CNBD1: variants seen among roughly 807,000 people sequenced by gnomAD.
The protein encoded by CNBD1 is cyclic nucleotide-binding domain-containing protein 1.
In CNBD1, 71 loss-of-function variants were observed where a neutral mutation model predicts 54.4. That is an observed-to-expected ratio of 1.30 (90% CI 1.08 to 1.59). The LOEUF (loss-of-function observed/expected upper bound fraction) is 1.59, where lower values mean the gene tolerates loss of function less well. Among genes scored for constraint, CNBD1 ranks in the 40% most tolerant of loss-of-function variants. The pLI is 0.00. For missense variants in CNBD1, 659 were observed against 518.0 expected (o/e 1.27, Z -2.64); for synonymous variants, 182 against 170.7 (o/e 1.07, Z -0.51).
At chr8:86,985,478 A>G (rs971044232) in intron 4 of CNBD1, among the ~76,000 whole-genome samples, 4 of 152,184 alleles carry the variant, frequency 2.6e-5, no homozygotes, top group Non-Finnish European at 4.4e-5. Context: ...AGTGAGAAAC[A>G]TGCAATATTT....
chr8:86,868,949 G>GAGTT (rs1808402491), intron 1 of CNBD1, among the ~76,000 whole-genome samples: 2 of 151,324 alleles, frequency 1.3e-5, no homozygotes, highest in African/African-American at 4.9e-5. Flanking sequence ...GAAGGCGAGA[G>GAGTT]AGTCAGAATG....
At chr8:86,896,042 T>C (rs1287374809) in intron 2 of CNBD1, among the ~76,000 whole-genome samples, 1 of 152,096 alleles carries the variant, frequency 6.6e-6, no homozygotes, top group Non-Finnish European at 1.5e-5. Context: ...CAAATATTTT[T>C]CCCAAGTAGA....
At chr8:86,972,838 A>G (rs568064275) in intron 4 of CNBD1, among the ~76,000 whole-genome samples, 9 of 152,064 alleles carry the variant, frequency 5.9e-5, no homozygotes, top group Non-Finnish European at 1.3e-4. Context: ...CTGTTATCCT[A>G]TTGCCAAATG....
intron 4 of CNBD1, among the ~76,000 whole-genome samples, chr8:87,006,437 A>G (rs545315953): frequency 6.6e-6 from 1 of 152,182 alleles, no homozygotes; most frequent in Non-Finnish European, 1.5e-5. Context: ...GTAATTTATA[A>G]AGAAAAGAGG....
chr8:87,425,754 G>A (rs1195445745), intron 2 of CNBD1, among the ~76,000 whole-genome samples: 10 of 152,038 alleles, frequency 6.6e-5, no homozygotes, highest in Admixed American at 2.0e-4. Flanking sequence ...AGTCTGCAGA[G>A]GTTACTGCTG....
chr8:87,389,771 AAGG>A (rs1563583265), intron 2 of CNBD1, among the ~76,000 whole-genome samples: 1 of 152,186 alleles, frequency 6.6e-6, no homozygotes, highest in African/African-American at 2.4e-5. Flanking sequence ...TGGAACCAAA[AAGG>A]AGCCCGCATT....
At chr8:87,319,576 G>A (rs908263448) in intron 8 of CNBD1, among the ~76,000 whole-genome samples, 1 of 152,006 alleles carries the variant, frequency 6.6e-6, no homozygotes, top group Admixed American at 6.6e-5. Context: ...ATACAAAAAA[G>A]TTACAGGATA....
chr8:87,332,870 C>T (rs1162044558), intron 8 of CNBD1, among the ~76,000 whole-genome samples: 2 of 151,970 alleles, frequency 1.3e-5, no homozygotes, highest in Non-Finnish European at 1.5e-5. Flanking sequence ...TTTTTTGGTT[C>T]CATATGAATT....
rs534022931 is a variant in CNBD1 at position 87,379,705 on chromosome 8, A to AT, written c.1304-2907dup. Among the ~76,000 whole-genome samples, 62 of 151,938 alleles carry AT rather than the reference A, an allele frequency of 4.1e-4. 1 individual carries two copies. The South Asian group carries it at 0.011, about 27-fold the overall frequency. On this transcript the variant is annotated intron_variant, in intron 10 of 10. Transcript: ENST00000518476. ...TTATTGCACTGTCAGAATACCAGTA[A>AT]TTTTTTTTAAGAAATACGTTTATAA...
intron 4 of CNBD1, among the ~76,000 whole-genome samples, chr8:87,128,077 A>G (rs1736908718): frequency 6.6e-6 from 1 of 152,142 alleles, no homozygotes; most frequent in African/African-American, 2.4e-5. Flanking sequence ...TCAGGGGAAG[A>G]TAATCTTCCC....
chr8:87,354,397 C>A (rs1043614144), intron 10 of CNBD1, among the ~76,000 whole-genome samples: 10 of 150,922 alleles, frequency 6.6e-5, no homozygotes, highest in Admixed American at 4.0e-4. Context: ...TCTAGGATTT[C>A]TTTTTTTTTA....
intron 4 of CNBD1, among the ~76,000 whole-genome samples, chr8:86,944,519 T>C (rs1364234183): frequency 6.6e-6 from 1 of 152,192 alleles, no homozygotes; most frequent in African/African-American, 2.4e-5. Flanking sequence ...ATTAAATACC[T>C]TGAAGAAGTG....
chr8:87,165,811 G>A (rs553893634), intron 4 of CNBD1, among the ~76,000 whole-genome samples: 1 of 151,610 alleles, frequency 6.6e-6, no homozygotes, highest in Non-Finnish European at 1.5e-5. Flanking sequence ...TTACCACTTG[G>A]TTTTTATTTA....
chr8:87,300,348 A>C (rs941559024), intron 8 of CNBD1, among the ~76,000 whole-genome samples: 3 of 152,146 alleles, frequency 2.0e-5, no homozygotes, highest in African/African-American at 7.2e-5. Flanking sequence ...AAGTATTTAC[A>C]ATATATAAAA....
At chr8:87,260,462 A>G (rs1808113570) in intron 6 of CNBD1, among the ~76,000 whole-genome samples, 2 of 152,200 alleles carry the variant, frequency 1.3e-5, no homozygotes, top group South Asian at 4.1e-4. Flanking sequence ...ACAAATTCAT[A>G]GCACAAAATG....
chr8:87,385,682 C>A (rs1447389500), downstream of CNBD1, among the ~76,000 whole-genome samples: 1 of 152,140 alleles, frequency 6.6e-6, no homozygotes, highest in Non-Finnish European at 1.5e-5. Context: ...GTAGACTCCA[C>A]CTCTGGGGGC....
At chr8:87,398,905 C>T (rs377185995) in intron 2 of CNBD1, among the ~76,000 whole-genome samples, 2 of 152,018 alleles carry the variant, frequency 1.3e-5, no homozygotes, top group Non-Finnish European at 2.9e-5. Context: ...ATCAGACCCA[C>T]CTATTCTCCT....
intron 4 of CNBD1, among the ~76,000 whole-genome samples, chr8:87,032,532 G>A (rs1476138097): frequency 1.3e-5 from 2 of 152,172 alleles, no homozygotes; most frequent in African/African-American, 4.8e-5. Flanking sequence ...GGGCTGAGGA[G>A]CAGGAGAAAG....
chr8:87,409,559 C>T (rs967045932), intron 2 of CNBD1, among the ~76,000 whole-genome samples: 1 of 152,122 alleles, frequency 6.6e-6, no homozygotes, highest in African/African-American at 2.4e-5. Context: ...ATTTTGGAAG[C>T]ATATGCCATC....
Sources: gnomAD v4.1 joint callset for allele counts (sites outside exome capture counted in the v4.1 genomes callset) on GRCh38, gnomAD v4.1.1 for gene constraint, MANE v1.5 for transcripts, NCBI Gene and HGNC (gene_info 2026-07-23, HGNC 2026-07-21) for gene names.